The following MYO5B variants were observed in gnomAD, a reference collection of about 807,000 sequenced individuals.
The protein encoded by MYO5B is myosin VB.
Under a neutral mutation model 229.3 loss-of-function variants are expected in MYO5B, and 143 were observed. That is an observed-to-expected ratio of 0.62 (90% CI 0.54 to 0.72). The LOEUF is 0.72. MYO5B is among the 30% of genes least tolerant of loss of function. The pLI is 0.00. For missense variants in MYO5B, 2,321 were observed against 2,331.0 expected (o/e 1.00, Z 0.09); for synonymous variants, 918 against 885.2 (o/e 1.04, Z -0.66).
At chr18:49,931,608 T>C (rs1274198680) in intron 16 of MYO5B, among the ~76,000 whole-genome samples, 1 of 152,070 alleles carries the variant, frequency 6.6e-6, no homozygotes, top group East Asian at 1.9e-4. Flanking sequence ...ACCCTCTCAC[T>C]CCAATGCCTC....
In MYO5B at chr18:49,957,938, C is replaced by A. The variant is rs189693628; in HGVS notation, c.1546-3503G>T. Among the ~76,000 whole-genome samples, 44 of 152,282 alleles carry A rather than the reference C, an allele frequency of 2.9e-4. No homozygotes were observed. In the East Asian group the frequency reaches 7.7e-3, roughly 27 times the overall value. On this transcript the variant is annotated intron_variant, in intron 12 of 39. Coordinates refer to ENST00000285039, the MANE Select transcript of MYO5B (RefSeq NM_001080467.3). ...TCACAGAAGCCCAGCTGGCCCCCCCCAGGACTCTGCAGTCCTCACTGCTCT... is the reference window on the plus strand; with the variant it reads ...TCACAGAAGCCCAGCTGGCCCCCCCAAGGACTCTGCAGTCCTCACTGCTCT...
At chr18:49,957,532 G>C (rs1226609371) in intron 12 of MYO5B, among the ~76,000 whole-genome samples, 1 of 152,130 alleles carries the variant, frequency 6.6e-6, no homozygotes, top group Non-Finnish European at 1.5e-5. Flanking sequence ...TGTAGCCCCA[G>C]CTACTGGGGA....
Position 49,864,274 on chromosome 18 carries a change from G to C in MYO5B, c.3710C>G (p.Pro1237Arg), listed in dbSNP as rs1239988069. ...GTTCAGCAGGAGGCTGTAGCTATCT[G>C]GGGAGCCGTGGCTGGAGTTATTCTG... ...ATQNNSSHGS[P>R]DSYSLLLNQL... The change falls in exon 28 of 40, where the codon CCA (proline) becomes CGA (arginine). Residue 1237 changes from proline (P) to arginine (R), a missense_variant. This residue lies in a region of MYO5B where 2,113 missense variants were observed against 2,044.7 expected (regional missense o/e 1.03). Transcript: ENST00000285039. The C allele has an allele frequency of 6.2e-7, 1 of 1,614,184 alleles. No homozygotes were observed. Among genetic ancestry groups the C allele is most frequent in the Admixed American group, 1.7e-5 (1 of 60,030 alleles).
chr18:50,004,714 A>G (rs569177547), intron 4 of MYO5B, among the ~76,000 whole-genome samples: 9 of 152,254 alleles, frequency 5.9e-5, no homozygotes, highest in African/African-American at 1.9e-4. Context: ...GGCTATGATA[A>G]GCTCTGATCA....
chr18:50,188,995 C>T (rs746960039), intron 1 of MYO5B, among the ~76,000 whole-genome samples: 1 of 151,976 alleles, frequency 6.6e-6, no homozygotes, highest in Non-Finnish European at 1.5e-5. Context: ...AAACGGGGAG[C>T]AGAGGATCAA....
intron 18 of MYO5B, 133 bp downstream of exon 18, chr18:49,911,929 A>C: frequency 1.3e-6 from 1 of 782,972 alleles, no homozygotes; most frequent in Non-Finnish European, 2.2e-6. Flanking sequence ...ATGTAGGAAA[A>C]TGGATTAATA....
intron 33 of MYO5B, among the ~76,000 whole-genome samples, chr18:49,844,809 G>C (rs528143903): frequency 8.5e-5 from 13 of 152,326 alleles, no homozygotes; most frequent in African/African-American, 3.1e-4. Context: ...TCCTGTCTTG[G>C]AATGTTCTAT....
Position 49,826,335 on chromosome 18 carries a change from C to T in MYO5B, c.*136G>A. On this transcript the variant is annotated 3_prime_UTR_variant, in exon 40 of 40. Coordinates refer to ENST00000285039, the MANE Select transcript of MYO5B (RefSeq NM_001080467.3). ...TAGTTGTGTCTAATTCTGTATAGTT[C>T]AGCACCCTCCACAGGCTGTCAATCT... 2 of 1,082,316 alleles carry T rather than the reference C, an allele frequency of 1.8e-6. No individual in the cohort carries two copies. The highest frequency in any genetic ancestry group is 2.7e-6 in the Non-Finnish European group (2 of 731,608). 67.0% of individuals were successfully genotyped at this position (1,082,316 alleles called of 1,614,324 possible).
At chr18:49,942,253 A>T (rs369655861) in intron 14 of MYO5B, among the ~76,000 whole-genome samples, 1 of 151,304 alleles carries the variant, frequency 6.6e-6, no homozygotes, top group Admixed American at 6.6e-5. Context: ...AACCTAGGCA[A>T]TACCATTCAG....
At chr18:49,845,705 A>G (rs1198248396) in intron 33 of MYO5B, among the ~76,000 whole-genome samples, 1 of 149,770 alleles carries the variant, frequency 6.7e-6, no homozygotes, top group Non-Finnish European at 1.5e-5. Flanking sequence ...CCTCTTTCCC[A>G]CAGGACTCTC....
At chr18:49,993,249 T>C (rs1310787564) in intron 5 of MYO5B, among the ~76,000 whole-genome samples, 1 of 151,884 alleles carries the variant, frequency 6.6e-6, no homozygotes, top group Non-Finnish European at 1.5e-5. Flanking sequence ...CTATAACTTC[T>C]CAATGGTCTA....
chr18:49,908,464 AGAG>A (rs1274459258), intron 18 of MYO5B, among the ~76,000 whole-genome samples: 4 of 152,192 alleles, frequency 2.6e-5, no homozygotes, highest in Non-Finnish European at 4.4e-5. Flanking sequence ...ACTGAAGCCT[AGAG>A]TAGTGAAGTG....
intron 1 of MYO5B, among the ~76,000 whole-genome samples, chr18:50,101,490 A>G (rs2031654355): frequency 6.6e-6 from 1 of 152,204 alleles, no homozygotes. Flanking sequence ...AATTTTTGCA[A>G]TCTACCCATC....
intron 10 of MYO5B, among the ~76,000 whole-genome samples, chr18:49,968,733 G>C (rs1201165389): frequency 6.6e-6 from 1 of 152,180 alleles, no homozygotes; most frequent in Non-Finnish European, 1.5e-5. Context: ...CAAGACTCTT[G>C]GTGGGCTCTT....
chr18:50,001,722 C>A (rs1411717132), intron 4 of MYO5B, among the ~76,000 whole-genome samples: 2 of 152,152 alleles, frequency 1.3e-5, no homozygotes, highest in East Asian at 3.9e-4. Context: ...CCCTTACACA[C>A]ATCCTTTAAG....
chr18:49,902,487 C>G, intron 21 of MYO5B, 107 bp downstream of exon 21: 1 of 1,504,814 alleles, frequency 6.6e-7, no homozygotes, highest in Non-Finnish European at 9.1e-7. Flanking sequence ...CGTCTGTGCT[C>G]CCTCGGGTCT....
intron 1 of MYO5B, among the ~76,000 whole-genome samples, chr18:50,131,534 C>T (rs925111697): frequency 2.0e-5 from 3 of 152,214 alleles, no homozygotes; most frequent in Non-Finnish European, 4.4e-5. Flanking sequence ...ACATTGGCCA[C>T]AAGCATTTCA....
intron 4 of MYO5B, among the ~76,000 whole-genome samples, chr18:50,012,110 C>T (rs1295030733): frequency 6.6e-6 from 1 of 152,202 alleles, no homozygotes; most frequent in African/African-American, 2.4e-5. Flanking sequence ...CCACACCACA[C>T]CAATTAGATC....
chr18:50,186,862 C>A (rs1568137804), intron 1 of MYO5B, among the ~76,000 whole-genome samples: 1 of 152,136 alleles, frequency 6.6e-6, no homozygotes, highest in Non-Finnish European at 1.5e-5. Context: ...GTGTCCACCT[C>A]AAGATCATAG....
Sources: gnomAD v4.1 joint callset for allele counts (sites outside exome capture counted in the v4.1 genomes callset) on GRCh38, gnomAD v4.1.1 for gene constraint, gnomAD v4.1.1 regional missense constraint, MANE v1.5 for transcripts, NCBI Gene and HGNC (gene_info 2026-07-23, HGNC 2026-07-21) for gene names.